Variants in MEGF9 observed in about 807,000 individuals in gnomAD.
MEGF9 encodes the protein multiple EGF like domains 9, also known as multiple epidermal growth factor-like domains protein 9.
In MEGF9, 6 loss-of-function variants were observed where a neutral mutation model predicts 46.8. That is an observed-to-expected ratio of 0.13 (90% confidence interval 0.07 to 0.25). MEGF9 has a LOEUF of 0.25. MEGF9 is among the 10% of genes least tolerant of loss of function. MEGF9 has a pLI of 1.00. For synonymous variants in MEGF9, 302 were observed against 330.7 expected (o/e 0.91, Z 0.94); for missense variants, 683 against 792.4 (o/e 0.86, Z 1.66).
chr9:120,652,666 T>A (rs1226862797), intron 2 of MEGF9, among the ~76,000 whole-genome samples: 1 of 151,894 alleles, frequency 6.6e-6, no homozygotes, highest in Non-Finnish European at 1.5e-5. Context: ...TTTTTAATTT[T>A]TATGGATATA....
chr9:120,602,737 C>A lies in MEGF9; in HGVS notation c.*2453G>T, dbSNP rs1221550940. On this transcript the variant is annotated 3_prime_UTR_variant, in exon 6 of 6. Transcript: ENST00000373930. ...CTGTTTAATAAATGTTCACTTCTCA[C>A]CACCTTTAATCCTGACCTTTTTTGG... 1 of 152,152 alleles carries A rather than the reference C, an allele frequency of 6.6e-6. No individual in the cohort carries two copies. Among genetic ancestry groups the A allele is most frequent in the African/African-American group, 2.4e-5 (1 of 41,416 alleles). The allele number at this position is 152,152 out of a possible 1,614,324, so 9.4% of individuals were successfully genotyped here.
intron 4 of MEGF9, among the ~76,000 whole-genome samples, chr9:120,609,932 T>G (rs2132298036): frequency 6.6e-6 from 1 of 152,282 alleles, no homozygotes; most frequent in South Asian, 2.1e-4. Context: ...GAGATATAAT[T>G]TATATACCGT....
intron 3 of MEGF9, among the ~76,000 whole-genome samples, chr9:120,620,347 T>C (rs915389407): frequency 6.6e-6 from 1 of 152,216 alleles, no homozygotes; most frequent in Admixed American, 6.5e-5. Flanking sequence ...TCTGTACGCC[T>C]TTCCATTCAT....
At chr9:120,625,833 C>CAAAAAAAA (rs763605820) in intron 2 of MEGF9, among the ~76,000 whole-genome samples, 92 of 113,102 alleles carry the variant, frequency 8.1e-4, no homozygotes, top group African/African-American at 1.3e-3. Context: ...CTCTGTCTCA[C>CAAAAAAAA]AAAAAAAAAA....
intron 1 of MEGF9, among the ~76,000 whole-genome samples, chr9:120,692,345 C>T (rs2043852102): frequency 6.6e-6 from 1 of 152,138 alleles, no homozygotes; most frequent in South Asian, 2.1e-4. Flanking sequence ...CAAATGTTTG[C>T]TTAATAACAG....
At chr9:120,702,527 CTAAT>C (rs2043910128) in intron 1 of MEGF9, among the ~76,000 whole-genome samples, 1 of 152,096 alleles carries the variant, frequency 6.6e-6, no homozygotes, top group Non-Finnish European at 1.5e-5. Context: ...TTAGGTTTAA[CTAAT>C]TAATATTTTG....
intron 1 of MEGF9, among the ~76,000 whole-genome samples, chr9:120,670,542 T>C (rs1377014632): frequency 1.3e-5 from 2 of 152,218 alleles, no homozygotes; most frequent in East Asian, 3.8e-4. Context: ...CTTAGATTTA[T>C]CTTACTGTTT....
At chr9:120,651,426 C>G (rs1273585411) in intron 2 of MEGF9, among the ~76,000 whole-genome samples, 1 of 152,164 alleles carries the variant, frequency 6.6e-6, no homozygotes, top group Admixed American at 6.5e-5. Flanking sequence ...TTAATTCCAA[C>G]TCTTTTACTT....
chr9:120,611,473 G>C (rs1415674916), intron 4 of MEGF9, among the ~76,000 whole-genome samples: 1 of 152,072 alleles, frequency 6.6e-6, no homozygotes. Context: ...ACTATGCTAA[G>C]TGAAAAAAGC....
At chr9:120,625,049 A>G (rs1039549059) in intron 2 of MEGF9, among the ~76,000 whole-genome samples, 1 of 151,994 alleles carries the variant, frequency 6.6e-6, no homozygotes, top group African/African-American at 2.4e-5. Flanking sequence ...TGAGGCAGGA[A>G]GATCACTTGA....
Position 120,683,981 on chromosome 9 carries a change from T to C in MEGF9, c.602-24406A>G, listed in dbSNP as rs556597079. Among the ~76,000 whole-genome samples the C allele has an allele frequency of 1.1e-4, 16 of 151,982 alleles. No individual in the cohort carries two copies. In the South Asian group the frequency reaches 3.1e-3, roughly 30 times the overall value. ...ATCCAGGTATAAATACAAATAAAAA[T>C]GTACAAGGAACCTATAAGATAGTTA... On this transcript the variant is annotated intron_variant, in intron 1 of 5. Transcript: ENST00000373930.
chr9:120,630,092 T>C (rs1172528965), intron 2 of MEGF9, among the ~76,000 whole-genome samples: 3 of 152,224 alleles, frequency 2.0e-5, no homozygotes. Context: ...CAAATAACAA[T>C]TGTACATATT....
At chr9:120,696,382 G>C (rs911220165) in intron 1 of MEGF9, among the ~76,000 whole-genome samples, 2 of 152,116 alleles carry the variant, frequency 1.3e-5, no homozygotes. Flanking sequence ...TTGAATCAAG[G>C]TTCTACATTG....
chr9:120,702,099 G>A (rs185628997), intron 1 of MEGF9, among the ~76,000 whole-genome samples: 1 of 152,120 alleles, frequency 6.6e-6, no homozygotes, highest in East Asian at 1.9e-4. Flanking sequence ...AAAATGAAAT[G>A]GAGAAAGAGC....
chr9:120,666,118 G>A (rs1420295280), intron 1 of MEGF9, among the ~76,000 whole-genome samples: 2 of 152,032 alleles, frequency 1.3e-5, no homozygotes, highest in Non-Finnish European at 2.9e-5. Context: ...AAATTTCTGT[G>A]AAGAATATCA....
intron 5 of MEGF9, among the ~76,000 whole-genome samples, chr9:120,606,659 G>A (rs1025260472): frequency 6.6e-6 from 1 of 152,068 alleles, no homozygotes. Context: ...TTTAAAGCTC[G>A]GTTTCCTTAT....
At chr9:120,668,234 G>C (rs1211510116) in intron 1 of MEGF9, among the ~76,000 whole-genome samples, 1 of 152,140 alleles carries the variant, frequency 6.6e-6, no homozygotes, top group African/African-American at 2.4e-5. Flanking sequence ...TCTTACTCTA[G>C]AGTAACATTA....
In MEGF9 at chr9:120,714,264, AC is replaced by A; in HGVS notation, c.94del (p.Val32SerfsTer129). 1 of 1,238,350 alleles carries A rather than the reference AC, an allele frequency of 8.1e-7. No homozygotes were observed. Among genetic ancestry groups the A allele is most frequent in the Admixed American group, 4.3e-5 (1 of 23,248 alleles). The allele number at this position is 1,238,350 out of a possible 1,614,324, so 76.7% of individuals were successfully genotyped here. ...CCAAAAAAAA[V>X]ASAASAGNVT... Reference sequence around the variant, plus strand: ...ATTCCCCGCCGAGGCGGCTGAGGCGACGGCGGCGGCGGCGGCGGCGGCGGCG... The same window carrying A: ...ATTCCCCGCCGAGGCGGCTGAGGCGAGGCGGCGGCGGCGGCGGCGGCGGCG... On this transcript the variant is annotated frameshift_variant, in exon 1 of 6. Coordinates refer to ENST00000373930, the MANE Select transcript of MEGF9 (RefSeq NM_001080497.3). LOFTEE classifies it high-confidence loss of function.
intron 1 of MEGF9, among the ~76,000 whole-genome samples, chr9:120,685,136 G>A (rs1234332960): frequency 1.3e-5 from 2 of 152,160 alleles, no homozygotes; most frequent in South Asian, 2.1e-4. Flanking sequence ...ACCCGGCCGG[G>A]AGGCTTCATT....
Sources: allele counts gnomAD v4.1 joint callset (sites outside exome capture counted in the v4.1 genomes callset), GRCh38; gene constraint gnomAD v4.1.1; transcripts MANE v1.5; gene names NCBI Gene and HGNC (gene_info 2026-07-23, HGNC 2026-07-21).